Variants in INSC observed in about 807,000 individuals in gnomAD.
INSC encodes the protein protein inscuteable homolog.
INSC carries 67 observed loss-of-function variants against 58.6 expected under a neutral mutation model. The observed-to-expected ratio is 1.14, with a 90% CI of 0.94 to 1.40. The LOEUF (loss-of-function observed/expected upper bound fraction) is 1.40. Ranked by LOEUF, INSC falls within the 40% of genes most tolerant of loss-of-function variation. The probability of loss-of-function intolerance (pLI) is 0.00; values close to 1 mark genes in which losing one functional copy is unlikely to be tolerated. For synonymous variants in INSC, 262 were observed against 276.1 expected, an observed-to-expected ratio of 0.95 and a Z score of 0.51; for missense variants, 714 against 692.0, an observed-to-expected ratio of 1.03 and a Z score of -0.36.
intron 1 of INSC, among the ~76,000 whole-genome samples, chr11:15,122,701 A>C (rs570519499): frequency 1.1e-4 from 17 of 152,000 alleles, no homozygotes; most frequent in African/African-American, 3.9e-4. Context: ...ATATCTCTCA[A>C]ATCTTTCACT....
chr11:15,249,792 T>C (rs1339679495), downstream of INSC, among the ~76,000 whole-genome samples: 2 of 152,196 alleles, frequency 1.3e-5, no homozygotes, highest in Non-Finnish European at 2.9e-5. Flanking sequence ...TTCACCCTGC[T>C]GACTCTCTAC....
downstream of INSC, among the ~76,000 whole-genome samples, chr11:15,251,637 G>C (rs150175092): frequency 1.1e-3 from 171 of 152,288 alleles, no homozygotes; most frequent in African/African-American, 3.9e-3. Context: ...TGGTAAAAAG[G>C]TATGTAAAAG....
At chr11:15,233,077 A>T (rs1851983978) in intron 9 of INSC, among the ~76,000 whole-genome samples, 1 of 152,144 alleles carries the variant, frequency 6.6e-6, no homozygotes, top group Non-Finnish European at 1.5e-5. Flanking sequence ...CATGGCCAAG[A>T]TCATAGCAAA....
chr11:15,256,443 ATCAGGTTGGCACTT>A, the INSC span, among the ~76,000 whole-genome samples: 1 of 151,782 alleles, frequency 6.6e-6, no homozygotes, highest in African/African-American at 2.4e-5. Context: ...ACAGCCTCTT[ATCAGGTTGGCACTT>A]TCGTATGGCA....
the INSC span, among the ~76,000 whole-genome samples, chr11:15,256,379 C>T: frequency 6.6e-6 from 1 of 152,134 alleles, no homozygotes; most frequent in Non-Finnish European, 1.5e-5. Context: ...AAAAGTTCAC[C>T]ATTTAGATGG....
intron 2 of INSC, among the ~76,000 whole-genome samples, chr11:15,166,712 A>G (rs186354391): frequency 3.3e-5 from 5 of 152,332 alleles, no homozygotes; most frequent in Admixed American, 6.5e-5. Flanking sequence ...TCGATTACAT[A>G]TTTATTGATA....
intron 6 of INSC, among the ~76,000 whole-genome samples, chr11:15,196,717 A>G (rs1318273047): frequency 6.6e-6 from 1 of 152,244 alleles, no homozygotes; most frequent in African/African-American, 2.4e-5. Flanking sequence ...TTATTTTTAT[A>G]GCACTCACTT....
intron 8 of INSC, among the ~76,000 whole-genome samples, chr11:15,224,237 C>T (rs1311804379): frequency 6.6e-6 from 1 of 152,206 alleles, no homozygotes; most frequent in Non-Finnish European, 1.5e-5. Flanking sequence ...CTACTAGCTT[C>T]TCTAAGATTC....
At chr11:15,198,007 C>CA (rs745334379) in intron 6 of INSC, among the ~76,000 whole-genome samples, 1,968 of 142,942 alleles carry the variant, frequency 0.014, 16 homozygotes, top group Non-Finnish European at 0.021. Flanking sequence ...GTGCTGCACT[C>CA]GGTTCTTGAA....
At chr11:15,232,244 G>A (rs897831777) in intron 9 of INSC, among the ~76,000 whole-genome samples, 1 of 152,170 alleles carries the variant, frequency 6.6e-6, no homozygotes, top group Non-Finnish European at 1.5e-5. Context: ...TTGGCCACAC[G>A]GATGCTCAGC....
rs150735118 is a variant in INSC at position 15,159,812 on chromosome 11, T to C, written c.56+10582T>C. Among the ~76,000 whole-genome samples, 474 of 152,296 alleles carry C rather than the reference T, an allele frequency of 3.1e-3. 2 individuals carry two copies. Among genetic ancestry groups the C allele is most frequent in the African/African-American group, 0.011 (464 of 41,576 alleles). ...TCATTGTGAGAATCAACTGAGATAA[T>C]ACATGTGAATCAATCCACATGATAA... On this transcript the variant is annotated intron_variant, in intron 2 of 12. Coordinates refer to ENST00000379556, the MANE Select transcript of INSC (RefSeq NM_001042536.3).
Position 15,224,380 on chromosome 11 carries a change from G to C in INSC, c.992-1270G>C, listed in dbSNP as rs981372776. On this transcript the variant is annotated intron_variant, in intron 8 of 12. Transcript: ENST00000379556. ...AAGGGTTTTACTACTAAAACTAAAA[G>C]GTAGGGATCAGAATGTGCATTCACA... Among the ~76,000 whole-genome samples the C allele has an allele frequency of 3.9e-5, 6 of 152,304 alleles. No homozygotes were observed. The East Asian group carries it at 9.7e-4, about 25-fold the overall frequency.
At chr11:15,185,708 A>C (rs185513282) in intron 5 of INSC, among the ~76,000 whole-genome samples, 3 of 152,322 alleles carry the variant, frequency 2.0e-5, no homozygotes, top group Admixed American at 2.0e-4. Flanking sequence ...GAGATTATTC[A>C]TGTATTTTTA....
intron 1 of INSC, among the ~76,000 whole-genome samples, chr11:15,133,591 TCC>T (rs975865613): frequency 4.4e-5 from 5 of 112,840 alleles, no homozygotes; most frequent in African/African-American, 1.1e-4. Flanking sequence ...GTTTTCTGGA[TCC>T]CTGTTTGATT....
intron 5 of INSC, chr11:15,188,446 G>C (rs867972106): frequency 4.5e-6 from 3 of 668,934 alleles, no homozygotes; most frequent in Middle Eastern, 7.6e-4. Context: ...GGTAACCTTA[G>C]TCAAGTCTGC....
intron 1 of INSC, among the ~76,000 whole-genome samples, chr11:15,127,634 A>G (rs1848028033): frequency 6.6e-6 from 1 of 152,172 alleles, no homozygotes; most frequent in African/African-American, 2.4e-5. Flanking sequence ...CAGGAAAATA[A>G]ATACTCCCTC....
At chr11:15,214,351 G>A (rs10766214) in intron 7 of INSC, among the ~76,000 whole-genome samples, 4 of 152,118 alleles carry the variant, frequency 2.6e-5, no homozygotes, top group East Asian at 1.9e-4. Context: ...CTATGGCTGC[G>A]TTTTCAGTGC....
chr11:15,112,525 G>T, upstream of INSC: 2 of 1,612,726 alleles, frequency 1.2e-6, no homozygotes, highest in South Asian at 1.1e-5. Flanking sequence ...GGTGGCTGGG[G>T]TCTATGGGGA....
intron 8 of INSC, among the ~76,000 whole-genome samples, chr11:15,223,650 G>A (rs993962394): frequency 2.0e-5 from 3 of 152,194 alleles, no homozygotes; most frequent in African/African-American, 7.2e-5. Context: ...TTAGGACCTA[G>A]AAGGAATCTT....
Sources: gnomAD v4.1 joint callset for allele counts (sites outside exome capture counted in the v4.1 genomes callset) on GRCh38, gnomAD v4.1.1 for gene constraint, MANE v1.5 for transcripts, NCBI Gene and HGNC (gene_info 2026-07-23, HGNC 2026-07-21) for gene names.